ZBTB8A: variants seen among roughly 807,000 people sequenced by gnomAD.
The protein encoded by ZBTB8A is zinc finger and BTB domain containing 8A, also known as zinc finger and BTB domain-containing protein 8A.
A neutral mutation model predicts 37.8 loss-of-function variants in ZBTB8A; 19 were observed. The ratio of observed to expected loss-of-function variants is 0.50; its 90% CI spans 0.35 to 0.74. The LOEUF (loss-of-function observed/expected upper bound fraction) is 0.74. ZBTB8A is among the 30% of genes least tolerant of loss of function. The pLI is 0.01. For synonymous variants in ZBTB8A, 181 were observed against 185.2 expected (o/e 0.98, Z 0.19); for missense variants, 394 against 537.8 (o/e 0.73, Z 2.65).
Position 32,600,096 on chromosome 1 carries a change from G to C in ZBTB8A, c.1003G>C (p.Ala335Pro). ...TTAAATCTCTACACAGATTCACCAG[G>C]CATGTAAACTCATCTGCAGAAAATG... ...LSSHFRTIHQACKLICRKCKR... is the reference protein window; with the variant it reads ...LSSHFRTIHQPCKLICRKCKR... Residue 335 changes from alanine to proline, a missense_variant, in exon 5 of 5, where the codon GCA (alanine) becomes CCA (proline). Around this residue, in one of 4 missense-constraint regions of ZBTB8A, gnomAD observed 42 missense variants for 96.4 expected, o/e 0.44. Transcript: ENST00000373510. The C allele has an allele frequency of 6.2e-7, 1 of 1,611,486 alleles. No individual in the cohort carries two copies. Among genetic ancestry groups the C allele is most frequent in the Non-Finnish European group, 8.5e-7 (1 of 1,177,958 alleles).
intron 2 of ZBTB8A, among the ~76,000 whole-genome samples, chr1:32,559,504 C>A (rs893842529): frequency 6.6e-6 from 1 of 152,026 alleles, no homozygotes; most frequent in Non-Finnish European, 1.5e-5. Context: ...TACTGTGTCA[C>A]CCAGGCTGGA....
In ZBTB8A at chr1:32,575,891, AG is replaced by A. The variant is rs556528243; in HGVS notation, c.-1-17039del. Among the ~76,000 whole-genome samples, 648 of 152,262 alleles carry A rather than the reference AG, an allele frequency of 4.3e-3. 6 individuals carry two copies. Among genetic ancestry groups the A allele is most frequent in the African/African-American group, 0.014 (579 of 41,564 alleles). On this transcript the variant is annotated intron_variant, in intron 2 of 4. Transcript: ENST00000373510. ...CGAAAAGAATATTGAGTACTTTTTT[AG>A]TATTCTGTTTCATCTCCACTATTGG...
At chr1:32,581,598 C>T (rs1297392073) in intron 2 of ZBTB8A, among the ~76,000 whole-genome samples, 2 of 151,818 alleles carry the variant, frequency 1.3e-5, no homozygotes, top group African/African-American at 4.8e-5. Flanking sequence ...GTGATCCACC[C>T]GCCTCGGCCT....
intron 1 of ZBTB8A, among the ~76,000 whole-genome samples, chr1:32,547,352 C>CTTTT (rs769532413): frequency 7.6e-6 from 1 of 131,818 alleles, no homozygotes; most frequent in Admixed American, 7.7e-5. Context: ...TCTTTTCTTT[C>CTTTT]TTTTTTTTTT....
chr1:32,584,281 A>G (rs746947077), intron 2 of ZBTB8A, among the ~76,000 whole-genome samples: 6 of 152,146 alleles, frequency 3.9e-5, no homozygotes, highest in Non-Finnish European at 7.4e-5. Flanking sequence ...TCCAGATTGC[A>G]AGACAATAAA....
intron 2 of ZBTB8A, among the ~76,000 whole-genome samples, chr1:32,584,888 C>T (rs941686038): frequency 6.6e-6 from 1 of 151,924 alleles, no homozygotes; most frequent in South Asian, 2.1e-4. Context: ...GCTGTCATAG[C>T]CTCTTTTCCA....
At chr1:32,540,384 C>T (rs2148207578) in intron 1 of ZBTB8A, among the ~76,000 whole-genome samples, 1 of 152,304 alleles carries the variant, frequency 6.6e-6, no homozygotes. Flanking sequence ...CACCTCTATG[C>T]TTGATAAACC....
intron 1 of ZBTB8A, among the ~76,000 whole-genome samples, chr1:32,545,161 CTT>C (rs1644092476): frequency 6.6e-6 from 1 of 151,698 alleles, no homozygotes; most frequent in Admixed American, 6.6e-5. Context: ...CTGGCCAACA[CTT>C]AGTATTTTCA....
chr1:32,595,106 G>A lies in ZBTB8A; in HGVS notation c.876G>A (p.Lys292=), dbSNP rs539703634. 1.2e-6 allele frequency: 2 copies of A among 1,614,224 alleles called. No individual in the cohort carries two copies. Among genetic ancestry groups the A allele is most frequent in the South Asian group, 1.1e-5 (1 of 91,090 alleles). The change falls in exon 4 of 5, where the codon AAG becomes AAA. Residue 292 remains lysine (K), a synonymous_variant. Coordinates refer to ENST00000373510, the MANE Select transcript of ZBTB8A (RefSeq NM_001040441.3). ...GCCCGTACTGCACACATGTGGTGAAGCGGAAGGCAGACCTAAAGCGCCACC... is the reference window on the plus strand; with the variant it reads ...GCCCGTACTGCACACATGTGGTGAAACGGAAGGCAGACCTAAAGCGCCACC... ...FKCPYCTHVV[K]RKADLKRHLR...
At position 32,564,134 on chromosome 1, in the gene ZBTB8A, G is replaced by A. The variant is rs576151240; in HGVS notation, c.-2+10594G>A. Among the ~76,000 whole-genome samples the A allele has an allele frequency of 2.6e-5, 4 of 152,162 alleles. No homozygotes were observed. In the East Asian group the frequency reaches 7.7e-4, roughly 29 times the overall value. On this transcript the variant is annotated intron_variant, in intron 2 of 4. Transcript: ENST00000373510. ...GTGAGAAGTGACAGCACTCAGAAAG[G>A]GACACACCAGATTTCTATGGCTTCT...
intron 1 of ZBTB8A, among the ~76,000 whole-genome samples, chr1:32,545,284 G>T (rs1644093942): frequency 6.6e-6 from 1 of 152,104 alleles, no homozygotes; most frequent in Non-Finnish European, 1.5e-5. Context: ...TATCCTAGTG[G>T]GTGTGAGGTA....
intron 1 of ZBTB8A, among the ~76,000 whole-genome samples, chr1:32,543,678 T>C (rs1006634041): frequency 1.3e-5 from 2 of 152,046 alleles, no homozygotes; most frequent in Non-Finnish European, 1.5e-5. Context: ...TAACTTAGCA[T>C]CAGGTTTTTT....
chr1:32,574,466 A>G (rs1644345680), intron 2 of ZBTB8A, among the ~76,000 whole-genome samples: 2 of 152,216 alleles, frequency 1.3e-5, no homozygotes, highest in South Asian at 4.1e-4. Context: ...GTGTGGTGGC[A>G]TGCACCTGTG....
Position 32,588,622 on chromosome 1 carries a change from T to C in ZBTB8A, c.-1-4309T>C, listed in dbSNP as rs117556332. On this transcript the variant is annotated intron_variant, in intron 2 of 4. Transcript: ENST00000373510. Reference sequence around the variant, plus strand: ...TTTTAGGATGAAGACAATGATCAACTGTGTAGGCAAAATGAAGATAAAGAA... The same window carrying C: ...TTTTAGGATGAAGACAATGATCAACCGTGTAGGCAAAATGAAGATAAAGAA... Among the ~76,000 whole-genome samples the C allele has an allele frequency of 2.1e-3, 316 of 152,074 alleles. 4 individuals are homozygous for C. The East Asian group carries it at 0.034, about 17-fold the overall frequency.
intron 1 of ZBTB8A, 142 bp downstream of exon 1, chr1:32,539,714 GT>G (rs1393066884): frequency 0.14 from 115 of 832 alleles, no homozygotes; most frequent in African/African-American, 0.18. Context: ...TCCCCCAGAC[GT>G]CCCCGGGCCG....
chr1:32,543,387 A>T (rs2148209968), intron 1 of ZBTB8A, among the ~76,000 whole-genome samples: 1 of 152,178 alleles, frequency 6.6e-6, no homozygotes, highest in Admixed American at 6.5e-5. Flanking sequence ...GCCTGGCCTG[A>T]GATATAACTC....
At chr1:32,542,574 A>C (rs1644065682) in intron 1 of ZBTB8A, among the ~76,000 whole-genome samples, 1 of 152,154 alleles carries the variant, frequency 6.6e-6, no homozygotes, top group South Asian at 2.1e-4. Context: ...ACTCCGTCTC[A>C]AAAAAAGAGA....
chr1:32,556,429 A>G (rs752691737), intron 2 of ZBTB8A, among the ~76,000 whole-genome samples: 51 of 151,808 alleles, frequency 3.4e-4, no homozygotes, highest in Non-Finnish European at 5.2e-4. Context: ...GTGCAGTGGT[A>G]TTACCATAGC....
chr1:32,590,578 T>C (rs1410009024), intron 2 of ZBTB8A, among the ~76,000 whole-genome samples: 1 of 152,186 alleles, frequency 6.6e-6, no homozygotes, highest in Non-Finnish European at 1.5e-5. Context: ...TCTAGGGATT[T>C]CTACATCTTT....
Sources: allele counts gnomAD v4.1 joint callset (sites outside exome capture counted in the v4.1 genomes callset), GRCh38; gene constraint gnomAD v4.1.1; regional missense constraint gnomAD v4.1.1; transcripts MANE v1.5; gene names NCBI Gene and HGNC (gene_info 2026-07-23, HGNC 2026-07-21).